The following DPP10 variants were observed in gnomAD, a reference collection of about 807,000 sequenced individuals.
DPP10 encodes inactive dipeptidyl peptidase 10.
In DPP10, 33 loss-of-function variants were observed where a neutral mutation model predicts 120.9. That is an observed-to-expected ratio of 0.27 (90% confidence interval 0.21 to 0.37). The LOEUF (loss-of-function observed/expected upper bound fraction) is 0.37. Among genes scored for constraint, DPP10 ranks in the 10% least tolerant of loss-of-function variants. The probability of loss-of-function intolerance (pLI) is 1.00; values close to 1 mark genes in which losing one functional copy is unlikely to be tolerated. For synonymous variants in DPP10, 337 were observed against 326.1 expected, an observed-to-expected ratio of 1.03 and a Z score of -0.36; for missense variants, 816 against 942.8, an observed-to-expected ratio of 0.87 and a Z score of 1.76.
At chr2:115,393,273 AC>A (rs2067445128) in intron 3 of DPP10, among the ~76,000 whole-genome samples, 1 of 151,580 alleles carries the variant, frequency 6.6e-6, no homozygotes, top group African/African-American at 2.4e-5. Context: ...AGATTGTGCC[AC>A]TGCACTCAAG....
intron 1 of DPP10, chr2:114,461,809 G>C (rs1185124831): frequency 1.0e-6 from 1 of 985,076 alleles, no homozygotes; most frequent in African/African-American, 1.7e-5. Context: ...ACAAGTACCT[G>C]GTACATACCA....
At chr2:114,823,234 TGCAGGGAG>T (rs1207709099) in intron 1 of DPP10, among the ~76,000 whole-genome samples, 1 of 152,150 alleles carries the variant, frequency 6.6e-6, no homozygotes, top group Non-Finnish European at 1.5e-5. Flanking sequence ...GGGAACTCTT[TGCAGGGAG>T]GCAGAAAAGA....
At chr2:115,375,772 C>T (rs762406453) in intron 3 of DPP10, among the ~76,000 whole-genome samples, 1 of 152,258 alleles carries the variant, frequency 6.6e-6, no homozygotes, top group Non-Finnish European at 1.5e-5. Context: ...ACACGTCTTA[C>T]CATGGTGGAG....
intron 12 of DPP10, among the ~76,000 whole-genome samples, chr2:115,766,816 T>A (rs1203022413): frequency 6.6e-6 from 1 of 152,096 alleles, no homozygotes; most frequent in African/African-American, 2.4e-5. Context: ...GGAGGTGTTA[T>A]ACACTTTTAA....
intron 1 of DPP10, among the ~76,000 whole-genome samples, chr2:114,624,718 T>G (rs1009818059): frequency 3.9e-5 from 6 of 151,934 alleles, no homozygotes; most frequent in African/African-American, 1.4e-4. Flanking sequence ...TAATATCCAT[T>G]TTAAAGTTTT....
At chr2:114,919,367 C>T (rs550236295) in intron 1 of DPP10, among the ~76,000 whole-genome samples, 1 of 151,532 alleles carries the variant, frequency 6.6e-6, no homozygotes, top group South Asian at 2.1e-4. Flanking sequence ...TCAGTGACTA[C>T]TCCACTAGTT....
chr2:115,549,723 C>T (rs1456993277), intron 5 of DPP10, among the ~76,000 whole-genome samples: 1 of 152,158 alleles, frequency 6.6e-6, no homozygotes, highest in Non-Finnish European at 1.5e-5. Context: ...AAACCAGTCA[C>T]TGGCTTAAAA....
In DPP10 at chr2:114,795,148, T is replaced by C. The variant is rs140220783; in HGVS notation, c.60+352310T>C. Among the ~76,000 whole-genome samples the C allele has an allele frequency of 5.8e-3, 888 of 152,254 alleles. 11 individuals are homozygous for C. The highest frequency in any genetic ancestry group is 0.02 in the African/African-American group (841 of 41,522). On this transcript the variant is annotated intron_variant, in intron 1 of 25. Transcript: ENST00000410059. ...ACCGTTAAAATGTAGAGCTTTCCTCTCTTGGATAAGGAGACCTTTTTCCAG... is the reference window on the plus strand; with the variant it reads ...ACCGTTAAAATGTAGAGCTTTCCTCCCTTGGATAAGGAGACCTTTTTCCAG...
intron 10 of DPP10, among the ~76,000 whole-genome samples, chr2:115,752,196 C>T (rs1005173165): frequency 3.9e-5 from 6 of 152,162 alleles, no homozygotes; most frequent in Admixed American, 6.5e-5. Context: ...TGGGCATGTT[C>T]AGGATGGTAT....
chr2:115,190,186 C>G (rs1441137961), intron 1 of DPP10, among the ~76,000 whole-genome samples: 1 of 152,138 alleles, frequency 6.6e-6, no homozygotes, highest in Non-Finnish European at 1.5e-5. Flanking sequence ...TTTATTCAAA[C>G]TATGTTCTTA....
At chr2:115,099,976 G>T (rs537938355) in intron 1 of DPP10, among the ~76,000 whole-genome samples, 234 of 152,306 alleles carry the variant, frequency 1.5e-3, no homozygotes, top group African/African-American at 5.2e-3. Context: ...TTGTACAATG[G>T]TTCTGACAGA....
At chr2:115,619,965 T>G (rs1370374420) in intron 5 of DPP10, among the ~76,000 whole-genome samples, 1 of 152,210 alleles carries the variant, frequency 6.6e-6, no homozygotes, top group Non-Finnish European at 1.5e-5. Context: ...AAAGATTTAT[T>G]CTGTGAATTT....
intron 19 of DPP10, among the ~76,000 whole-genome samples, chr2:115,800,270 T>A (rs1288011801): frequency 3.3e-5 from 5 of 151,704 alleles, no homozygotes; most frequent in Non-Finnish European, 5.9e-5. Context: ...TCGCCCACTT[T>A]TTGATGGGGT....
At position 114,467,833 on chromosome 2, in the gene DPP10, T is replaced by TACAAAACAAA. The variant is rs142818701; in HGVS notation, c.60+25009_60+25018dup. 7.3e-5 allele frequency among the ~76,000 whole-genome samples: 11 copies of TACAAAACAAA among 151,628 alleles called. No individual in the cohort carries two copies. In the South Asian group the frequency reaches 1.7e-3, roughly 23 times the overall value. ...TGGCAACACAGAGAGACCCCATCTC[T>TACAAAACAAA]ACAAAACAAAACAAAACAAAACACC... On this transcript the variant is annotated intron_variant, in intron 1 of 25. Coordinates refer to ENST00000410059, the MANE Select transcript of DPP10 (RefSeq NM_020868.6).
intron 1 of DPP10, among the ~76,000 whole-genome samples, chr2:114,500,586 A>G (rs1489071994): frequency 2.0e-5 from 3 of 152,222 alleles, no homozygotes; most frequent in Non-Finnish European, 2.9e-5. Context: ...AGACCTGTCT[A>G]TCATGCTACA....
chr2:115,441,341 TGAC>T (rs1213011773), intron 3 of DPP10, among the ~76,000 whole-genome samples: 1 of 152,214 alleles, frequency 6.6e-6, no homozygotes, highest in Admixed American at 6.5e-5. Context: ...GTGATGTCTC[TGAC>T]CTAGATTTAG....
intron 1 of DPP10, among the ~76,000 whole-genome samples, chr2:115,044,933 G>A (rs1704946521): frequency 6.6e-6 from 1 of 152,062 alleles, no homozygotes; most frequent in Non-Finnish European, 1.5e-5. Flanking sequence ...CATCTATGTT[G>A]TTGCAAATGA....
At chr2:115,644,454 T>G (rs114905545) in intron 5 of DPP10, among the ~76,000 whole-genome samples, 8,410 of 152,116 alleles carry the variant, frequency 0.055, 284 homozygotes, top group South Asian at 0.088. Context: ...AGAATGATGG[T>G]AATAATAGTT....
intron 5 of DPP10, among the ~76,000 whole-genome samples, chr2:115,653,225 G>A (rs780892565): frequency 6.6e-6 from 1 of 151,636 alleles, no homozygotes; most frequent in African/African-American, 2.4e-5. Flanking sequence ...GTAAAGCCGG[G>A]GATATGAGGG....
Sources: gnomAD v4.1 joint callset for allele counts (sites outside exome capture counted in the v4.1 genomes callset) on GRCh38, gnomAD v4.1.1 for gene constraint, MANE v1.5 for transcripts, NCBI Gene and HGNC (gene_info 2026-07-23, HGNC 2026-07-21) for gene names.